Variants in DLGAP5 observed in about 807,000 individuals in gnomAD.
DLGAP5 encodes the protein disks large-associated protein 5.
In DLGAP5, 90 loss-of-function variants were observed where a neutral mutation model predicts 99.6. The observed-to-expected ratio is 0.90, with a 90% CI of 0.76 to 1.08. DLGAP5 has a LOEUF of 1.08. Among genes scored for constraint, DLGAP5 ranks in the 50% least tolerant of loss-of-function variants. The pLI, the probability that DLGAP5 is intolerant of heterozygous loss-of-function variation, is 0.00. For synonymous variants in DLGAP5, 311 were observed against 321.3 expected, an observed-to-expected ratio of 0.97 and a Z score of 0.34; for missense variants, 1,036 against 983.5, an observed-to-expected ratio of 1.05 and a Z score of -0.71.
intron 13 of DLGAP5, among the ~76,000 whole-genome samples, chr14:55,162,079 T>C (rs527413286): frequency 3.9e-4 from 59 of 151,778 alleles, no homozygotes; most frequent in African/African-American, 1.2e-3. Context: ...AATGCTTAGT[T>C]TGAAAAGTGT....
intron 2 of DLGAP5, among the ~76,000 whole-genome samples, chr14:55,186,164 G>A (rs1277284368): frequency 6.6e-6 from 1 of 152,150 alleles, no homozygotes; most frequent in East Asian, 1.9e-4. Context: ...CAGCTACTCA[G>A]GAAGGCTGAG....
At position 55,170,856 on chromosome 14, in the gene DLGAP5, A is replaced by G; in HGVS notation, c.1302-69T>C. 6 of 1,070,174 alleles carry G rather than the reference A, an allele frequency of 5.6e-6. No homozygotes were observed. The Admixed American group carries it at 8.7e-5, about 16-fold the overall frequency. The allele number at this position is 1,070,174 out of a possible 1,614,324, so 66.3% of individuals were successfully genotyped here. A position where few individuals can be genotyped will look rare whatever the true frequency, so the allele number is the denominator to read the frequency against. ...ACTAGTAGCTAAGTATTAGCATAACATCATGATACATAACATTAGGAAGTT... is the reference window on the plus strand; with the variant it reads ...ACTAGTAGCTAAGTATTAGCATAACGTCATGATACATAACATTAGGAAGTT... On this transcript the variant is annotated intron_variant, in intron 10 of 18. Transcript: ENST00000247191.
chr14:55,168,534 T>C (rs1335847956), intron 12 of DLGAP5, among the ~76,000 whole-genome samples: 1 of 151,784 alleles, frequency 6.6e-6, no homozygotes, highest in South Asian at 2.1e-4. Flanking sequence ...CTATTTTATA[T>C]GCTTATTTCT....
chr14:55,182,354 C>G lies in DLGAP5; in HGVS notation c.495+16G>C. The G allele has an allele frequency of 1.3e-6, 2 of 1,597,844 alleles. No individual in the cohort carries two copies. Among genetic ancestry groups the G allele is most frequent in the Non-Finnish European group, 1.7e-6 (2 of 1,172,986 alleles). ...AATTTATCATTTTAGTAACAATTAT[C>G]TACTATCAACTATACCTTAGTCTGC... is the stretch of plus-strand genomic sequence containing the variant. On this transcript the variant is annotated intron_variant, in intron 4 of 18. Transcript: ENST00000247191.
At chr14:55,176,740 AG>A (rs1883073204) in intron 8 of DLGAP5, among the ~76,000 whole-genome samples, 1 of 152,074 alleles carries the variant, frequency 6.6e-6, no homozygotes, top group Admixed American at 6.5e-5. Flanking sequence ...GCACTTTGGG[AG>A]GCCGAGGCGG....
chr14:55,180,015 C>T (rs1883222176), intron 6 of DLGAP5, among the ~76,000 whole-genome samples: 1 of 152,014 alleles, frequency 6.6e-6, no homozygotes. Context: ...GTTCAGCATA[C>T]TTGATACAAA....
intron 12 of DLGAP5, 111 bp downstream of exon 12, chr14:55,169,288 T>A: frequency 1.6e-6 from 1 of 627,330 alleles, no homozygotes; most frequent in Non-Finnish European, 2.4e-6. Context: ...AACATCTTAT[T>A]TAATATTACA....
Position 55,183,834 on chromosome 14 carries a change from T to C in DLGAP5, c.239-81A>G, listed in dbSNP as rs1484188373. ...TTATGCAAATGTATAAACAATTATT[T>C]TTGTGTCATTTCAACTGCTGCTAAA... On this transcript the variant is annotated intron_variant, in intron 2 of 18. Coordinates refer to ENST00000247191, the MANE Select transcript of DLGAP5 (RefSeq NM_014750.5). 3 of 1,339,202 alleles carry C rather than the reference T, an allele frequency of 2.2e-6. No individual in the cohort carries two copies. In the East Asian group the frequency reaches 8.5e-5, roughly 38 times the overall value. 83.0% of individuals were successfully genotyped at this position (1,339,202 alleles called of 1,614,324 possible).
Position 55,152,656 on chromosome 14 carries a change from GA to G in DLGAP5, c.2064-10del. On this transcript the variant is annotated splice_polypyrimidine_tract_variant and intron_variant, in intron 15 of 18. Transcript: ENST00000247191. ...CATCTTCTATGCTGCTCCTAAAGAA[GA>G]AAAAAAGCAGCATTACACTCATAAA... 5.0e-6 allele frequency: 8 copies of G among 1,584,888 alleles called. No homozygotes were observed. The highest frequency in any genetic ancestry group is 2.4e-5 in the South Asian group (2 of 85,048).
In DLGAP5 at chr14:55,150,810, G is replaced by A. The variant is rs748472516; in HGVS notation, c.2407C>T (p.Leu803Phe). The A allele has an allele frequency of 6.3e-7, 1 of 1,576,520 alleles. No individual in the cohort carries two copies. Among genetic ancestry groups the A allele is most frequent in the Non-Finnish European group, 8.6e-7 (1 of 1,168,606 alleles). ...DNKSLTTECH[L>F]LDSPGLNCSN... ...GTTGGAAAACTTACTGAATCAAGAA[G>A]GTGGCATTCAGTAGTGAGACTTTTA... The change falls in exon 18 of 19, where the codon CTT becomes TTT. Residue 803 changes from leucine (L) to phenylalanine (F), a missense_variant. Transcript: ENST00000247191.
chr14:55,165,652 T>C (rs573275624), intron 12 of DLGAP5, among the ~76,000 whole-genome samples: 14 of 152,318 alleles, frequency 9.2e-5, no homozygotes, highest in Admixed American at 2.0e-4. Context: ...ATGCCTGAAA[T>C]GCAGATAGTA....
At position 55,182,398 on chromosome 14, in the gene DLGAP5, T is replaced by G; in HGVS notation, c.467A>C (p.Lys156Thr). 6 of 1,612,828 alleles carry G rather than the reference T, an allele frequency of 3.7e-6. No homozygotes were observed. The South Asian group carries it at 5.5e-5, about 15-fold the overall frequency. ...IPSSVRITRS[K>T]AKDQMEQTKI... ...AGTCTGCTCCATTTGGTCTTTGGCC[T>G]TTGACCTTGTAATCCGTACAGAAGA... is the stretch of plus-strand genomic sequence containing the variant. The change falls in exon 4 of 19, where the codon AAG becomes ACG. Residue 156 changes from lysine to threonine, a missense_variant. Coordinates refer to ENST00000247191, the MANE Select transcript of DLGAP5 (RefSeq NM_014750.5).
chr14:55,165,686 TC>T (rs1430553097), intron 12 of DLGAP5, among the ~76,000 whole-genome samples: 1 of 152,190 alleles, frequency 6.6e-6, no homozygotes, highest in Non-Finnish European at 1.5e-5. Flanking sequence ...ATATGTTTTT[TC>T]CTATTCATAC....
At chr14:55,175,836 A>G (rs1326116387) in intron 9 of DLGAP5, 58 bp downstream of exon 9, 48 of 1,433,092 alleles carry the variant, frequency 3.3e-5, no homozygotes, top group Non-Finnish European at 4.4e-5. Context: ...CCTGAAAGCA[A>G]AATATTTTTT....
Position 55,152,574 on chromosome 14 carries a change from C to T in DLGAP5, c.2121+16G>A. ...TGACATACTGGGCTATCTAACCACACTGGAATTGTACTTACATGATTTTCT... is the reference window on the plus strand; with the variant it reads ...TGACATACTGGGCTATCTAACCACATTGGAATTGTACTTACATGATTTTCT... On this transcript the variant is annotated intron_variant, in intron 16 of 18. Coordinates refer to ENST00000247191, the MANE Select transcript of DLGAP5 (RefSeq NM_014750.5). 1 of 1,590,538 alleles carries T rather than the reference C, an allele frequency of 6.3e-7. No homozygotes were observed. Among genetic ancestry groups the T allele is most frequent in the Non-Finnish European group, 8.6e-7 (1 of 1,167,898 alleles).
Position 55,151,825 on chromosome 14 carries a change from T to C in DLGAP5, c.2238A>G (p.Ser746=). The C allele has an allele frequency of 6.2e-7, 1 of 1,614,032 alleles. No individual in the cohort carries two copies. Among genetic ancestry groups the C allele is most frequent in the Non-Finnish European group, 8.5e-7 (1 of 1,179,964 alleles). The change falls in exon 17 of 19, where the codon TCA becomes TCG. Residue 746 remains serine (S), a synonymous_variant. Transcript: ENST00000247191. The part of the protein sequence containing the change: ...DINTNKKEGI[S]DVVEGMELNS... Reference sequence around the variant, plus strand: ...TCAGTTCCATTCCTTCCACAACATCTGAAATTCCTTCTTTTTTGTTAGTAT... The same window carrying C: ...TCAGTTCCATTCCTTCCACAACATCCGAAATTCCTTCTTTTTTGTTAGTAT...
At position 55,169,456 on chromosome 14, in the gene DLGAP5, A is replaced by ACC; in HGVS notation, c.1489_1490dup (p.Ile498ValfsTer2). ...GATCTGTACAGGTAGTCTCCTTTAT[A>ACC]CCTCGTTTATATTCACAATCATCAA... On this transcript the variant is annotated frameshift_variant, in exon 12 of 19. Transcript: ENST00000247191. LOFTEE classifies it high-confidence loss of function. 6.2e-7 allele frequency: 1 copy of ACC among 1,612,874 alleles called. No homozygotes were observed. Among genetic ancestry groups the ACC allele is most frequent in the South Asian group, 1.1e-5 (1 of 90,786 alleles).
At position 55,181,241 on chromosome 14, in the gene DLGAP5, T is replaced by C. The variant is rs140695593; in HGVS notation, c.552A>G (p.Glu184=). The C allele has an allele frequency of 1.9e-6, 3 of 1,614,070 alleles. No homozygotes were observed. The African/African-American group carries it at 4.0e-5, about 22-fold the overall frequency. The change falls in exon 5 of 19, where the codon GAA becomes GAG. Residue 184 remains glutamate (E), a synonymous_variant. Coordinates refer to ENST00000247191, the MANE Select transcript of DLGAP5 (RefSeq NM_014750.5). ...TTTTCTCTTTGTCTGACACTTTCTTTTCAGAAGTTTGTCTTGGACCAGGTC... is the reference window on the plus strand; with the variant it reads ...TTTTCTCTTTGTCTGACACTTTCTTCTCAGAAGTTTGTCTTGGACCAGGTC... ...AIRPGPRQTS[E]KKVSDKEKKV...
intron 1 of DLGAP5, among the ~76,000 whole-genome samples, chr14:55,190,911 G>A (rs1883594146): frequency 6.6e-6 from 1 of 152,188 alleles, no homozygotes; most frequent in African/African-American, 2.4e-5. Flanking sequence ...AAGAGCGAGC[G>A]AGGACAACAT....
Sources: gnomAD v4.1 joint callset for allele counts (sites outside exome capture counted in the v4.1 genomes callset) on GRCh38, gnomAD v4.1.1 for gene constraint, MANE v1.5 for transcripts, NCBI Gene and HGNC (gene_info 2026-07-23, HGNC 2026-07-21) for gene names.